The following PGM5 variants were observed in gnomAD, a reference collection of about 807,000 sequenced individuals.
PGM5 encodes phosphoglucomutase 5.
In PGM5, 23 loss-of-function variants were observed where a neutral mutation model predicts 59.2. The observed-to-expected ratio is 0.39, with a 90% CI of 0.28 to 0.55. PGM5 has a LOEUF of 0.55. Ranked by LOEUF, PGM5 falls within the 20% of genes least tolerant of loss-of-function variation. The pLI is 0.66. For missense variants in PGM5, 574 were observed against 748.3 expected (o/e 0.77, Z 2.72); for synonymous variants, 214 against 286.0 (o/e 0.75, Z 2.54).
chr9:68,516,538 C>G (rs535386795), intron 10 of PGM5, among the ~76,000 whole-genome samples: 2 of 152,170 alleles, frequency 1.3e-5, no homozygotes, highest in Middle Eastern at 3.2e-3. Flanking sequence ...ACTCTTCTCC[C>G]GGAGAAGCAG....
At chr9:68,487,344 T>C (rs1475992813) in intron 9 of PGM5, among the ~76,000 whole-genome samples, 17 of 152,108 alleles carry the variant, frequency 1.1e-4, no homozygotes, top group Non-Finnish European at 1.8e-4. Flanking sequence ...AAGTACCTAA[T>C]TGATGCTCAA....
chr9:68,377,916 A>G (rs1305513715), intron 1 of PGM5, among the ~76,000 whole-genome samples: 1 of 152,192 alleles, frequency 6.6e-6, no homozygotes, highest in African/African-American at 2.4e-5. Context: ...TAACCCCTCG[A>G]TTATCAGAAG....
intron 6 of PGM5, among the ~76,000 whole-genome samples, chr9:68,403,680 G>T (rs1192499903): frequency 1.3e-5 from 2 of 152,142 alleles, no homozygotes; most frequent in African/African-American, 2.4e-5. Flanking sequence ...AGATTATCTG[G>T]CTCAAGCCTC....
At chr9:68,377,457 T>A (rs1182184461) in intron 1 of PGM5, among the ~76,000 whole-genome samples, 1 of 152,228 alleles carries the variant, frequency 6.6e-6, no homozygotes, top group Non-Finnish European at 1.5e-5. Flanking sequence ...GTAGAAATAT[T>A]GAGAACTACT....
intron 6 of PGM5, among the ~76,000 whole-genome samples, chr9:68,442,260 A>C (rs1823539843): frequency 6.6e-6 from 1 of 152,206 alleles, no homozygotes; most frequent in Admixed American, 6.5e-5. Flanking sequence ...TTCAAAAACA[A>C]GAAAGCTACA....
At chr9:68,404,047 T>A (rs542493451) in intron 6 of PGM5, among the ~76,000 whole-genome samples, 137 of 152,300 alleles carry the variant, frequency 9.0e-4, no homozygotes, top group African/African-American at 3.2e-3. Context: ...TAAAAAGTAT[T>A]TATTAGGCTT....
chr9:68,516,845 T>C (rs1205015379), intron 10 of PGM5, among the ~76,000 whole-genome samples: 1 of 152,052 alleles, frequency 6.6e-6, no homozygotes, highest in Non-Finnish European at 1.5e-5. Flanking sequence ...CATGTTTATA[T>C]AGTTCTGTTT....
At chr9:68,420,236 G>C (rs920391942) in intron 6 of PGM5, among the ~76,000 whole-genome samples, 4 of 152,176 alleles carry the variant, frequency 2.6e-5, no homozygotes, top group Non-Finnish European at 5.9e-5. Context: ...CTCAAAGACA[G>C]AGTCAGAGCT....
intron 7 of PGM5, among the ~76,000 whole-genome samples, chr9:68,467,838 T>TC (rs141600274): frequency 0.071 from 10,741 of 152,222 alleles, 637 homozygotes; most frequent in African/African-American, 0.17. Context: ...ATATGCTTTT[T>TC]CTCTGGTTTG....
chr9:68,365,389 ACAGT>A, intron 1 of PGM5, among the ~76,000 whole-genome samples: 1 of 148,740 alleles, frequency 6.7e-6, no homozygotes, highest in Admixed American at 6.7e-5. Context: ...TCTACTTAAC[ACAGT>A]CAAAGGGAAA....
intron 1 of PGM5, among the ~76,000 whole-genome samples, chr9:68,377,180 G>A (rs138004820): frequency 0.065 from 9,889 of 152,144 alleles, 401 homozygotes; most frequent in African/African-American, 0.12. Context: ...GCCCACCTCA[G>A]CCTCCCAAAG....
intron 6 of PGM5, among the ~76,000 whole-genome samples, chr9:68,460,565 A>T (rs186088345): frequency 1.6e-3 from 248 of 152,314 alleles, no homozygotes; most frequent in Non-Finnish European, 3.1e-3. Flanking sequence ...TCACTAATTC[A>T]TACCTGGAGA....
intron 1 of PGM5, among the ~76,000 whole-genome samples, chr9:68,366,042 A>C (rs797035967): frequency 6.6e-6 from 1 of 152,118 alleles, no homozygotes; most frequent in South Asian, 2.1e-4. Context: ...AAAAAGATGA[A>C]ATTACCCAGA....
rs368124092 is a variant in PGM5 at position 68,378,354 on chromosome 9, C to A, written c.417C>A (p.Ala139=). The change falls in exon 2 of 11, where the codon GCC becomes GCA. Residue 139 remains alanine, a synonymous_variant. Transcript: ENST00000396396. ...GGEFGVKFNV[A]NGGPAPDVVS... The stretch of plus-strand genomic sequence containing the variant: ...AGTTTGGAGTGAAGTTTAATGTTGC[C>A]AATGGAGGTATGTGGTTCAGCATAT... 95 of 1,590,250 alleles carry A rather than the reference C, an allele frequency of 6.0e-5. No individual in the cohort carries two copies. Among genetic ancestry groups the A allele is most frequent in the Non-Finnish European group, 7.9e-5 (93 of 1,171,590 alleles).
intron 1 of PGM5, among the ~76,000 whole-genome samples, chr9:68,375,934 C>T (rs13286842): frequency 1.1e-3 from 168 of 149,126 alleles, no homozygotes; most frequent in African/African-American, 3.7e-3. Context: ...GCCCTGAGGC[C>T]GGATCATGTT....
intron 6 of PGM5, among the ~76,000 whole-genome samples, chr9:68,393,373 G>A (rs1265421761): frequency 6.6e-6 from 1 of 151,188 alleles, no homozygotes; most frequent in East Asian, 1.9e-4. Flanking sequence ...TTATTTGCCT[G>A]TGATAATACC....
At chr9:68,464,891 A>G (rs556579844) in intron 6 of PGM5, among the ~76,000 whole-genome samples, 5 of 152,336 alleles carry the variant, frequency 3.3e-5, no homozygotes, top group African/African-American at 1.2e-4. Flanking sequence ...ATGGTGGAGA[A>G]AGCAAAATTG....
At chr9:68,408,475 C>A (rs1356201257) in intron 6 of PGM5, among the ~76,000 whole-genome samples, 2 of 152,138 alleles carry the variant, frequency 1.3e-5, no homozygotes, top group African/African-American at 2.4e-5. Context: ...TGGATATTAG[C>A]CCTTTGTCAG....
intron 2 of PGM5, among the ~76,000 whole-genome samples, chr9:68,379,865 T>C (rs1179321239): frequency 1.3e-5 from 2 of 151,550 alleles, no homozygotes; most frequent in Admixed American, 6.6e-5. Flanking sequence ...AAGAAGGTCA[T>C]GATTTAATGA....
Sources: gnomAD v4.1 joint callset for allele counts (sites outside exome capture counted in the v4.1 genomes callset) on GRCh38, gnomAD v4.1.1 for gene constraint, MANE v1.5 for transcripts, NCBI Gene and HGNC (gene_info 2026-07-23, HGNC 2026-07-21) for gene names.